ABCE1: variants seen among roughly 807,000 people sequenced by gnomAD.
ABCE1 encodes the protein ATP-binding cassette sub-family E member 1.
A neutral mutation model predicts 83.4 loss-of-function variants in ABCE1; 22 were observed. The ratio of observed to expected loss-of-function variants is 0.26; its 90% confidence interval spans 0.19 to 0.38. The LOEUF (loss-of-function observed/expected upper bound fraction) is 0.38. ABCE1 is among the 10% of genes least tolerant of loss of function. ABCE1 has a pLI of 1.00. For missense variants in ABCE1, 330 were observed against 721.9 expected (o/e 0.46, Z 6.22); for synonymous variants, 204 against 233.7 (o/e 0.87, Z 1.16).
In ABCE1 at chr4:145,098,415, T is replaced by C. The variant is rs1351617111; in HGVS notation, c.-32T>C. 1 of 152,394 alleles carries C rather than the reference T, an allele frequency of 6.6e-6. No homozygotes were observed. The highest frequency in any genetic ancestry group is 1.9e-4 in the East Asian group (1 of 5,188). The allele number at this position is 152,394 out of a possible 1,614,324, so 9.4% of individuals were successfully genotyped here. On this transcript the variant is annotated 5_prime_UTR_variant, in exon 1 of 18. Coordinates refer to ENST00000296577, the MANE Select transcript of ABCE1 (RefSeq NM_002940.3). ...TCCCCTCCGCAAGGGGATCGTTTTC[T>C]CCAGGTACGTGAATAGCCCGGAGAG...
rs771651394 is a variant in ABCE1 at position 145,123,370 on chromosome 4, C to T, written c.1517+13C>T. ...GAGTTGTCAAACGGTAAATATCTTG[C>T]TCCTAGCCATATTTTGATTATGTAT... On this transcript the variant is annotated intron_variant, in intron 15 of 17. Transcript: ENST00000296577. The T allele has an allele frequency of 6.3e-7, 1 of 1,597,652 alleles. No homozygotes were observed. Among genetic ancestry groups the T allele is most frequent in the Admixed American group, 1.7e-5 (1 of 58,144 alleles).
chr4:145,109,387 G>T, intron 5 of ABCE1, 138 bp downstream of exon 5: 2 of 523,976 alleles, frequency 3.8e-6, no homozygotes, highest in Non-Finnish European at 6.4e-6. Context: ...TATAAACAAA[G>T]CTCTTTTGTA....
chr4:145,111,130 T>G, intron 8 of ABCE1, 66 bp downstream of exon 8: 1 of 1,044,002 alleles, frequency 9.6e-7, no homozygotes, highest in South Asian at 1.5e-5. Context: ...GTGATGCTGC[T>G]AATAGAGGAA....
intron 7 of ABCE1, 142 bp from the exon 8 acceptor site, chr4:145,110,826 T>C: frequency 1.7e-6 from 1 of 596,610 alleles, no homozygotes; most frequent in South Asian, 2.3e-5. Context: ...TTTATGTGGA[T>C]TACTGAAAAT....
intron 1 of ABCE1, among the ~76,000 whole-genome samples, chr4:145,099,567 A>G (rs1347048343): frequency 6.6e-6 from 1 of 152,172 alleles, no homozygotes; most frequent in Non-Finnish European, 1.5e-5. Flanking sequence ...GTTTGTTGGA[A>G]GAGCATCTAA....
Position 145,119,994 on chromosome 4 carries a change from C to T in ABCE1, c.985C>T (p.Leu329Phe). 1 of 1,612,652 alleles carries T rather than the reference C, an allele frequency of 6.2e-7. No homozygotes were observed. Among genetic ancestry groups the T allele is most frequent in the South Asian group, 1.1e-5 (1 of 90,964 alleles). The change falls in exon 11 of 18, where the codon CTT becomes TTT. Residue 329 changes from leucine to phenylalanine, a missense_variant. By Grantham distance (22) the Leu-to-Phe change is conservative. Coordinates refer to ENST00000296577, the MANE Select transcript of ABCE1 (RefSeq NM_002940.3). The stretch of plus-strand genomic sequence containing the variant: ...AAACTTGAGATTCAGAGATGCATCA[C>T]TTGTTTTTAAAGTGGCTGAGACAGC... ...TENLRFRDAS[L>F]VFKVAETANE...
chr4:145,127,181 C>T (rs780341734), intron 17 of ABCE1, among the ~76,000 whole-genome samples: 16 of 152,042 alleles, frequency 1.1e-4, no homozygotes, highest in Non-Finnish European at 2.4e-4. Context: ...CAGTATGCTG[C>T]ATTTTGAATC....
Position 145,111,085 on chromosome 4 carries a change from TG to T in ABCE1, c.710+22del, listed in dbSNP as rs1240886816. The T allele has an allele frequency of 2.6e-6, 4 of 1,568,188 alleles. No individual in the cohort carries two copies. In the South Asian group the frequency reaches 4.6e-5, roughly 18 times the overall value. On this transcript the variant is annotated intron_variant, in intron 8 of 17. Coordinates refer to ENST00000296577, the MANE Select transcript of ABCE1 (RefSeq NM_002940.3). Reference sequence around the variant, plus strand: ...GATATGTAGGTTACTTTACAATTTTTGTTTATCTTCATCCGTATTGTAGAGT... The same window carrying T: ...GATATGTAGGTTACTTTACAATTTTTTTTATCTTCATCCGTATTGTAGAGT...
At chr4:145,109,054 A>T in intron 4 of ABCE1, 78 bp from the exon 5 acceptor site, 1 of 1,017,600 alleles carries the variant, frequency 9.8e-7, no homozygotes, top group Non-Finnish European at 1.5e-6. Context: ...AGGTGCATTA[A>T]AATATATCAT....
intron 10 of ABCE1, among the ~76,000 whole-genome samples, chr4:145,119,122 T>C (rs950591578): frequency 6.6e-6 from 1 of 151,934 alleles, no homozygotes; most frequent in African/African-American, 2.4e-5. Context: ...AAAGATGTAT[T>C]GAACACCTGT....
rs765568398 is a variant in ABCE1 at position 145,112,344 on chromosome 4, G to A, written c.800+16G>A. 8.8e-6 allele frequency: 13 copies of A among 1,479,942 alleles called. No individual in the cohort carries two copies. The highest frequency in any genetic ancestry group is 2.2e-4 in the Middle Eastern group (1 of 4,620). 91.7% of individuals were successfully genotyped at this position (1,479,942 alleles called of 1,614,324 possible). ...ATCCAGATAGGTAAGTAGAGATCTG[G>A]CATATTACTGTGTTGTTTTGTTTGG... On this transcript the variant is annotated intron_variant, in intron 9 of 17. Transcript: ENST00000296577.
chr4:145,114,250 T>C (rs991181831), intron 9 of ABCE1, among the ~76,000 whole-genome samples: 4 of 152,084 alleles, frequency 2.6e-5, no homozygotes, highest in African/African-American at 4.8e-5. Flanking sequence ...ATTCAAGGAC[T>C]TCACAATGTG....
chr4:145,115,328 G>A (rs1749581748), intron 9 of ABCE1, among the ~76,000 whole-genome samples: 1 of 151,856 alleles, frequency 6.6e-6, no homozygotes. Context: ...CACACTGGCT[G>A]TTTAAGGAAA....
chr4:145,121,089 C>T, intron 11 of ABCE1, 85 bp from the exon 12 acceptor site: 4 of 1,340,608 alleles, frequency 3.0e-6, no homozygotes, highest in Non-Finnish European at 4.2e-6. Flanking sequence ...AAACAAATTT[C>T]TCAGTTAAAA....
Position 145,123,606 on chromosome 4 carries a change from ATTAC to A in ABCE1, c.1640+9_1640+12del, listed in dbSNP as rs750285982. The stretch of plus-strand genomic sequence containing the variant: ...AAGAACACAGTTGCAAACAGGTAAA[ATTAC>A]TTTTTAATATGTTCAAAGTAATTCA... On this transcript the variant is annotated splice_region_variant and intron_variant, in intron 16 of 17. Transcript: ENST00000296577. 44 of 1,590,650 alleles carry A rather than the reference ATTAC, an allele frequency of 2.8e-5. No homozygotes were observed. Among genetic ancestry groups the A allele is most frequent in the Non-Finnish European group, 3.4e-5 (40 of 1,160,982 alleles).
intron 10 of ABCE1, among the ~76,000 whole-genome samples, chr4:145,119,344 T>C (rs2126711389): frequency 6.6e-6 from 1 of 152,054 alleles, no homozygotes; most frequent in Middle Eastern, 3.4e-3. Context: ...GGTTCTTGTA[T>C]ACAATGTGGA....
At chr4:145,123,428 G>T in intron 15 of ABCE1, 50 bp from the exon 16 acceptor site, 5 of 1,587,654 alleles carry the variant, frequency 3.1e-6, no homozygotes, top group Non-Finnish European at 4.3e-6. Flanking sequence ...TATAACAGTC[G>T]AATGTTTTAT....
In ABCE1 at chr4:145,112,346, A is replaced by G. The variant is rs1215999445; in HGVS notation, c.800+18A>G. ...CCAGATAGGTAAGTAGAGATCTGGC[A>G]TATTACTGTGTTGTTTTGTTTGGAG... On this transcript the variant is annotated intron_variant, in intron 9 of 17. Coordinates refer to ENST00000296577, the MANE Select transcript of ABCE1 (RefSeq NM_002940.3). 6.8e-7 allele frequency: 1 copy of G among 1,472,044 alleles called. No individual in the cohort carries two copies. The highest frequency in any genetic ancestry group is 1.4e-5 in the African/African-American group (1 of 70,998). The allele number at this position is 1,472,044 out of a possible 1,614,324, so 91.2% of individuals were successfully genotyped here.
At chr4:145,116,744 C>T (rs1374212361) in intron 9 of ABCE1, among the ~76,000 whole-genome samples, 1 of 151,908 alleles carries the variant, frequency 6.6e-6, no homozygotes. Context: ...CTCCAGTACC[C>T]ACTAACCTAT....
Sources: allele counts gnomAD v4.1 joint callset (sites outside exome capture counted in the v4.1 genomes callset), GRCh38; gene constraint gnomAD v4.1.1; transcripts MANE v1.5; gene names NCBI Gene and HGNC (gene_info 2026-07-23, HGNC 2026-07-21).